NR2F1-AS1: variants seen among roughly 807,000 people sequenced by gnomAD.
NR2F1-AS1 encodes NR2F1 antisense RNA 1.
At chr5:93,550,444 G>T (rs924723390) in intron 4 of NR2F1-AS1, among the ~76,000 whole-genome samples, 1 of 152,090 alleles carries the variant, frequency 6.6e-6, no homozygotes, top group Admixed American at 6.5e-5. Context: ...GGGTATTTAG[G>T]GAAAACTACA....
At chr5:93,530,952 CT>C (rs1751724405) in intron 4 of NR2F1-AS1, among the ~76,000 whole-genome samples, 1 of 152,024 alleles carries the variant, frequency 6.6e-6, no homozygotes, top group Non-Finnish European at 1.5e-5. Flanking sequence ...TCTTTGACAA[CT>C]TTTACATGGG....
At chr5:93,457,474 G>A (rs529867235) in intron 4 of NR2F1-AS1, among the ~76,000 whole-genome samples, 1 of 152,282 alleles carries the variant, frequency 6.6e-6, no homozygotes, top group South Asian at 2.1e-4. Flanking sequence ...ACAGCATCTC[G>A]AGGCAAAATA....
At chr5:93,477,154 T>C (rs1332312526) in intron 4 of NR2F1-AS1, among the ~76,000 whole-genome samples, 1 of 152,184 alleles carries the variant, frequency 6.6e-6, no homozygotes, top group Non-Finnish European at 1.5e-5. Context: ...AGAAGGCCCA[T>C]GTATACAATG....
chr5:93,566,569 G>A (rs1366960421), intron 1 of NR2F1-AS1, among the ~76,000 whole-genome samples: 4 of 151,984 alleles, frequency 2.6e-5, no homozygotes, highest in Non-Finnish European at 5.9e-5. Context: ...GAAAAAGAGT[G>A]TTGTTCTGTT....
intron 1 of NR2F1-AS1, chr5:93,570,377 G>C (rs561596960): frequency 1.3e-5 from 2 of 152,632 alleles, no homozygotes; most frequent in South Asian, 4.1e-4. Context: ...CAGGAGGATG[G>C]CAAGGTTCAG....
At chr5:93,569,979 G>C (rs1263746256) in intron 1 of NR2F1-AS1, 4 of 152,208 alleles carry the variant, frequency 2.6e-5, no homozygotes, top group Non-Finnish European at 5.9e-5. Context: ...GAGGATGGTA[G>C]TATTTCCGTT....
chr5:93,574,146 T>G (rs1752840880), intron 1 of NR2F1-AS1, among the ~76,000 whole-genome samples: 1 of 152,208 alleles, frequency 6.6e-6, no homozygotes, highest in Non-Finnish European at 1.5e-5. Flanking sequence ...GACAAGCCTT[T>G]GCCACGAAGG....
chr5:93,562,702 C>T (rs1218696304), intron 2 of NR2F1-AS1, among the ~76,000 whole-genome samples: 1 of 152,118 alleles, frequency 6.6e-6, no homozygotes, highest in Non-Finnish European at 1.5e-5. Flanking sequence ...CACATGAATA[C>T]ATTATATTAA....
At chr5:93,510,860 G>T (rs929269400) in intron 4 of NR2F1-AS1, among the ~76,000 whole-genome samples, 2 of 152,138 alleles carry the variant, frequency 1.3e-5, no homozygotes, top group East Asian at 3.9e-4. Context: ...GATTGGAGAA[G>T]TTTGATTGTT....
intron 4 of NR2F1-AS1, among the ~76,000 whole-genome samples, chr5:93,495,023 TAACA>T (rs1259191568): frequency 7.2e-5 from 11 of 152,212 alleles, no homozygotes; most frequent in African/African-American, 2.6e-4. Flanking sequence ...GATTAGCAGA[TAACA>T]AACAAGAAAA....
intron 4 of NR2F1-AS1, among the ~76,000 whole-genome samples, chr5:93,539,747 A>G (rs945636305): frequency 6.6e-6 from 1 of 152,214 alleles, no homozygotes; most frequent in Non-Finnish European, 1.5e-5. Flanking sequence ...ACAAACAGCA[A>G]GAAGAGAGGC....
upstream of NR2F1-AS1, chr5:93,583,111 G>A (rs1393209854): frequency 6.6e-6 from 1 of 152,154 alleles, no homozygotes; most frequent in Non-Finnish European, 1.5e-5. Context: ...CCCTTCTCTT[G>A]GCTCCTTGAC....
At chr5:93,470,585 C>CT (rs950469044) in intron 4 of NR2F1-AS1, among the ~76,000 whole-genome samples, 4 of 151,604 alleles carry the variant, frequency 2.6e-5, no homozygotes, top group African/African-American at 9.7e-5. Context: ...TTTGAATCAC[C>CT]TTTAAAACGG....
chr5:93,454,957 A>G (rs569212817), intron 4 of NR2F1-AS1, among the ~76,000 whole-genome samples: 27 of 152,254 alleles, frequency 1.8e-4, no homozygotes, highest in African/African-American at 6.0e-4. Context: ...ATCCTCTATA[A>G]TAAATATACC....
At chr5:93,505,116 T>C (rs977455523) in intron 4 of NR2F1-AS1, among the ~76,000 whole-genome samples, 1 of 152,030 alleles carries the variant, frequency 6.6e-6, no homozygotes, top group Non-Finnish European at 1.5e-5. Context: ...ATGAAAGAAA[T>C]TGGCCAAAAC....
chr5:93,511,207 A>G (rs1751288300), intron 4 of NR2F1-AS1, among the ~76,000 whole-genome samples: 2 of 152,134 alleles, frequency 1.3e-5, no homozygotes, highest in Non-Finnish European at 2.9e-5. Flanking sequence ...GCCCTCCCCA[A>G]TGTGGTTGGC....
chr5:93,427,730 T>C (rs976007586), intron 4 of NR2F1-AS1, among the ~76,000 whole-genome samples: 4 of 152,202 alleles, frequency 2.6e-5, no homozygotes, highest in African/African-American at 9.6e-5. Flanking sequence ...GAAATGACTA[T>C]GGTGCCCCAC....
intron 2 of NR2F1-AS1, among the ~76,000 whole-genome samples, chr5:93,557,709 G>C (rs917734387): frequency 6.6e-6 from 1 of 152,084 alleles, no homozygotes; most frequent in African/African-American, 2.4e-5. Flanking sequence ...GGTAGCTGTG[G>C]CAATTTCTTA....
At chr5:93,451,705 AC>A (rs1355896005) in intron 4 of NR2F1-AS1, among the ~76,000 whole-genome samples, 5 of 152,160 alleles carry the variant, frequency 3.3e-5, no homozygotes, top group Non-Finnish European at 5.9e-5. Flanking sequence ...ACCTGGCCTG[AC>A]TATAACATAT....
Sources: gnomAD v4.1 joint callset for allele counts (sites outside exome capture counted in the v4.1 genomes callset) on GRCh38, gnomAD v4.1.1 for gene constraint, MANE v1.5 for transcripts, NCBI Gene and HGNC (gene_info 2026-07-23, HGNC 2026-07-21) for gene names.